CTNNA2: variants seen among roughly 807,000 people sequenced by gnomAD.
CTNNA2 encodes the protein catenin alpha 2.
Under a neutral mutation model 101.0 loss-of-function variants are expected in CTNNA2, and 42 were observed. The observed-to-expected ratio is 0.42, with a 90% CI of 0.32 to 0.54. CTNNA2 has a LOEUF of 0.54. Ranked by LOEUF, CTNNA2 falls within the 20% of genes least tolerant of loss-of-function variation. The pLI is 0.14. For missense variants in CTNNA2, 871 were observed against 1,223.1 expected (o/e 0.71, Z 4.29); for synonymous variants, 450 against 456.4 (o/e 0.99, Z 0.18).
intron 7 of CTNNA2, among the ~76,000 whole-genome samples, chr2:80,100,345 T>C (rs1700467650): frequency 6.6e-6 from 1 of 152,196 alleles, no homozygotes; most frequent in African/African-American, 2.4e-5. Context: ...ACTGCTTTCG[T>C]TCCTGGTTCA....
At chr2:79,997,483 T>C (rs1692639652) in intron 7 of CTNNA2, among the ~76,000 whole-genome samples, 1 of 152,284 alleles carries the variant, frequency 6.6e-6, no homozygotes, top group Admixed American at 6.5e-5. Flanking sequence ...AGGATTTTTC[T>C]GTTTCTGTGG....
intron 18 of CTNNA2, among the ~76,000 whole-genome samples, chr2:80,646,997 A>C (rs189679718): frequency 6.6e-6 from 1 of 152,274 alleles, no homozygotes; most frequent in Admixed American, 6.5e-5. Context: ...ATATTTCATT[A>C]ATGCATGTAT....
Position 80,275,955 on chromosome 2 carries a change from A to AT in CTNNA2, c.1057-117247dup, listed in dbSNP as rs576782968. 9.0e-3 allele frequency among the ~76,000 whole-genome samples: 1,364 copies of AT among 151,618 alleles called. 20 individuals are homozygous for AT. Among genetic ancestry groups the AT allele is most frequent in the African/African-American group, 0.029 (1,210 of 41,340 alleles). On this transcript the variant is annotated intron_variant, in intron 7 of 18. Transcript: ENST00000402739. ...TCCTTGTTGTGAATTTCATTAGGAG[A>AT]TTTTTTTTTATTCCCATCAATGACA... is the stretch of plus-strand genomic sequence containing the variant.
chr2:80,210,859 A>G (rs1390258139), intron 7 of CTNNA2, among the ~76,000 whole-genome samples: 1 of 152,144 alleles, frequency 6.6e-6, no homozygotes, highest in Non-Finnish European at 1.5e-5. Context: ...CTATTTCTCC[A>G]CATCCTCTCC....
chr2:80,250,615 G>T (rs1671692391), intron 7 of CTNNA2, among the ~76,000 whole-genome samples: 1 of 152,130 alleles, frequency 6.6e-6, no homozygotes, highest in South Asian at 2.1e-4. Context: ...ACTGCCCTCT[G>T]GATCTGATGC....
At position 79,949,829 on chromosome 2, in the gene CTNNA2, A is replaced by G. The variant is rs192748986; in HGVS notation, c.1056+40032A>G. Reference sequence around the variant, plus strand: ...AGCTTCTAAAATACTTGATAGTGCTATTTTGAAGTCAGAATGCTAACTTTT... The same window carrying G: ...AGCTTCTAAAATACTTGATAGTGCTGTTTTGAAGTCAGAATGCTAACTTTT... On this transcript the variant is annotated intron_variant, in intron 7 of 18. Transcript: ENST00000402739. 4.6e-5 allele frequency among the ~76,000 whole-genome samples: 7 copies of G among 152,330 alleles called. No homozygotes were observed. The East Asian group carries it at 9.6e-4, about 21-fold the overall frequency.
intron 3 of CTNNA2, among the ~76,000 whole-genome samples, chr2:79,756,344 G>A (rs1390581400): frequency 6.6e-6 from 1 of 152,118 alleles, no homozygotes; most frequent in Non-Finnish European, 1.5e-5. Context: ...TGATATCCAT[G>A]TGCATTGATT....
At chr2:80,554,899 C>T (rs1039120060) in intron 11 of CTNNA2, among the ~76,000 whole-genome samples, 2 of 152,130 alleles carry the variant, frequency 1.3e-5, no homozygotes, top group Non-Finnish European at 1.5e-5. Flanking sequence ...TACAAAATTA[C>T]ACACTTGTTA....
chr2:80,572,856 GGT>G (rs1207055557), intron 12 of CTNNA2: 2 of 152,116 alleles, frequency 1.3e-5, no homozygotes, highest in Non-Finnish European at 2.9e-5. Context: ...TGCATGCTGT[GGT>G]TTCGGTAATT....
At chr2:79,467,697 G>A (rs962498531) in intron 4 of CTNNA2, among the ~76,000 whole-genome samples, 3 of 152,186 alleles carry the variant, frequency 2.0e-5, no homozygotes, top group African/African-American at 7.2e-5. Flanking sequence ...AATTCTACAA[G>A]CCAGAAGAGA....
chr2:79,627,119 T>C (rs1679362055), intron 1 of CTNNA2, among the ~76,000 whole-genome samples: 1 of 152,156 alleles, frequency 6.6e-6, no homozygotes, highest in South Asian at 2.1e-4. Flanking sequence ...CGTTTTAGCG[T>C]TATCATCTTG....
chr2:80,419,930 A>T (rs1680372371), intron 9 of CTNNA2, among the ~76,000 whole-genome samples: 1 of 151,036 alleles, frequency 6.6e-6, no homozygotes, highest in African/African-American at 2.4e-5. Context: ...AGTAAATTAA[A>T]ATTTCTGAAT....
intron 2 of CTNNA2, among the ~76,000 whole-genome samples, chr2:79,736,007 G>A (rs552697644): frequency 8.5e-5 from 13 of 152,282 alleles, no homozygotes; most frequent in African/African-American, 3.1e-4. Flanking sequence ...AAAATAAGGT[G>A]TGAAGTTGTG....
At chr2:79,706,571 G>A (rs1685398180) in intron 2 of CTNNA2, among the ~76,000 whole-genome samples, 1 of 152,010 alleles carries the variant, frequency 6.6e-6, no homozygotes, top group Non-Finnish European at 1.5e-5. Flanking sequence ...CATCTTTAAG[G>A]AGAAAAGGTA....
chr2:79,480,116 C>A (rs1226966549), intron 4 of CTNNA2, among the ~76,000 whole-genome samples: 1 of 151,890 alleles, frequency 6.6e-6, no homozygotes, highest in Non-Finnish European at 1.5e-5. Context: ...AAAGAGGAGG[C>A]AAGAGAGAGA....
intron 7 of CTNNA2, among the ~76,000 whole-genome samples, chr2:80,238,830 T>C (rs1016326451): frequency 6.6e-6 from 1 of 152,164 alleles, no homozygotes; most frequent in Non-Finnish European, 1.5e-5. Context: ...TAAGTCTCAC[T>C]CCTGGGAATT....
At chr2:80,283,601 C>G (rs1674543927) in intron 7 of CTNNA2, among the ~76,000 whole-genome samples, 1 of 152,084 alleles carries the variant, frequency 6.6e-6, no homozygotes, top group Non-Finnish European at 1.5e-5. Context: ...AGGCTAGGGA[C>G]TTACCCATTT....
intron 7 of CTNNA2, among the ~76,000 whole-genome samples, chr2:80,087,786 C>A (rs965337497): frequency 3.9e-5 from 6 of 151,974 alleles, no homozygotes; most frequent in African/African-American, 1.5e-4. Context: ...GTTTACAGCC[C>A]CCTCTTGGAG....
intron 16 of CTNNA2, 135 bp downstream of exon 16, chr2:80,604,314 A>G (rs779372558): frequency 4.4e-6 from 3 of 687,262 alleles, no homozygotes; most frequent in Non-Finnish European, 7.7e-6. Context: ...GATATTTTAC[A>G]CACTGGTATC....
Sources: gnomAD v4.1 joint callset for allele counts (sites outside exome capture counted in the v4.1 genomes callset) on GRCh38, gnomAD v4.1.1 for gene constraint, MANE v1.5 for transcripts, NCBI Gene and HGNC (gene_info 2026-07-23, HGNC 2026-07-21) for gene names.